Variants in CCDC88C observed in about 807,000 individuals in gnomAD.
CCDC88C encodes the protein coiled-coil and HOOK domain protein 88C, also known as protein Daple.
CCDC88C carries 131 observed loss-of-function variants against 198.8 expected under a neutral mutation model. The observed-to-expected ratio is 0.66, with a 90% CI of 0.57 to 0.76. The LOEUF is 0.76. CCDC88C is among the 30% of genes least tolerant of loss of function. CCDC88C has a pLI of 0.00. For synonymous variants in CCDC88C, 1,166 were observed against 1,114.7 expected (o/e 1.05, Z -0.92); for missense variants, 2,553 against 2,631.6 (o/e 0.97, Z 0.65).
At chr14:91,391,156 G>A (rs1321012541) in intron 3 of CCDC88C, among the ~76,000 whole-genome samples, 2 of 151,958 alleles carry the variant, frequency 1.3e-5, no homozygotes, top group African/African-American at 2.4e-5. Context: ...GCACCTGTGT[G>A]TTGAGCCTCA....
intron 3 of CCDC88C, chr14:91,378,607 C>T (rs1249279233): frequency 2.6e-5 from 4 of 152,394 alleles, no homozygotes; most frequent in Admixed American, 6.6e-5. Flanking sequence ...ACCCAAGACA[C>T]CAAAAACGGA....
intron 26 of CCDC88C, 130 bp downstream of exon 26, chr14:91,283,199 A>C: frequency 1.1e-6 from 1 of 928,088 alleles, no homozygotes; most frequent in East Asian, 2.7e-5. Context: ...GCCTGTCAGC[A>C]GCCTCACCCC....
intron 10 of CCDC88C, among the ~76,000 whole-genome samples, chr14:91,337,261 C>T (rs977455369): frequency 4.6e-5 from 7 of 152,206 alleles, no homozygotes; most frequent in African/African-American, 1.7e-4. Flanking sequence ...ATAGAGTAGC[C>T]TCCACTAGCT....
intron 21 of CCDC88C, among the ~76,000 whole-genome samples, chr14:91,299,414 T>C (rs908593827): frequency 1.4e-4 from 22 of 152,178 alleles, no homozygotes; most frequent in Non-Finnish European, 5.9e-5. Flanking sequence ...CAGTAGGAGC[T>C]GAAACAAGAA....
At chr14:91,416,893 C>T (rs1279333793) in intron 1 of CCDC88C, 55 bp from the exon 2 acceptor site, 6 of 1,267,392 alleles carry the variant, frequency 4.7e-6, no homozygotes, top group East Asian at 2.4e-5. Flanking sequence ...TGCGCACAAA[C>T]GGTCCAAAGC....
Position 91,338,160 on chromosome 14 carries a change from T to G in CCDC88C, c.895A>C (p.Ile299Leu). 6.2e-6 allele frequency: 10 copies of G among 1,613,580 alleles called. No individual in the cohort carries two copies. Among genetic ancestry groups the G allele is most frequent in the Non-Finnish European group, 8.5e-6 (10 of 1,179,640 alleles). Residue 299 changes from isoleucine to leucine, a missense_variant, in exon 10 of 30, where the codon ATC becomes CTC. By Grantham distance (5) the Ile-to-Leu change is conservative. This residue lies in a region of CCDC88C where 1,260 missense variants were observed against 1,412.0 expected (regional missense o/e 0.89). Coordinates refer to ENST00000389857, the MANE Select transcript of CCDC88C (RefSeq NM_001080414.4). The surrounding 1 kb of genome is among the most constrained non-coding windows in gnomAD (Gnocchi z 4.8). ...GACCGGGCGTCTGCCGCTAGCTGGA[T>G]GTTCTGCAAGGTGGACAAAGGCAGG... ...LELQKVKQEN[I>L]QLAADARSAR...
chr14:91,312,791 A>T (rs899921361), intron 15 of CCDC88C, among the ~76,000 whole-genome samples: 1 of 151,918 alleles, frequency 6.6e-6, no homozygotes, highest in Non-Finnish European at 1.5e-5. Context: ...ATTAATAAAA[A>T]CCACAACAGC....
At chr14:91,277,830 C>G (rs1890027007) in intron 29 of CCDC88C, 92 bp downstream of exon 29, 5 of 1,389,050 alleles carry the variant, frequency 3.6e-6, no homozygotes, top group Non-Finnish European at 4.8e-6. Context: ...GCCACGCCAC[C>G]CCCACCCCAT....
intron 10 of CCDC88C, among the ~76,000 whole-genome samples, chr14:91,330,607 G>A (rs776149658): frequency 6.6e-6 from 1 of 152,166 alleles, no homozygotes; most frequent in Non-Finnish European, 1.5e-5. Context: ...AAACAGGAGG[G>A]GCACCTGGAC....
intron 13 of CCDC88C, among the ~76,000 whole-genome samples, chr14:91,318,665 G>T (rs1892211922): frequency 6.6e-6 from 1 of 152,184 alleles, no homozygotes; most frequent in South Asian, 2.1e-4. Context: ...GAGTGGCTGG[G>T]TGCAGTGGCT....
At chr14:91,386,545 A>G (rs1035727627) in intron 3 of CCDC88C, among the ~76,000 whole-genome samples, 8 of 152,310 alleles carry the variant, frequency 5.3e-5, no homozygotes, top group African/African-American at 1.4e-4. Context: ...CATGCCACAC[A>G]CACACCTGCC....
intron 3 of CCDC88C, chr14:91,384,273 CTT>C (rs3029466): frequency 0.26 from 75,322 of 293,486 alleles, 4,214 homozygotes; most frequent in East Asian, 0.32. Flanking sequence ...CCCCATCTCT[CTT>C]TTTTTTTTTT....
intron 3 of CCDC88C, among the ~76,000 whole-genome samples, chr14:91,380,939 C>A (rs1467892794): frequency 1.3e-5 from 2 of 152,180 alleles, no homozygotes; most frequent in South Asian, 2.1e-4. Flanking sequence ...GACAACGTGG[C>A]CCACCAATCC....
intron 25 of CCDC88C, chr14:91,285,701 G>C: frequency 1.6e-6 from 2 of 1,288,958 alleles, no homozygotes; most frequent in Non-Finnish European, 2.0e-6. Flanking sequence ...GAAAGAGAGA[G>C]GCTCGTTAGG....
At position 91,338,167 on chromosome 14, in the gene CCDC88C, C is replaced by T; in HGVS notation, c.892-4G>A. 1.2e-6 allele frequency: 2 copies of T among 1,613,082 alleles called. No individual in the cohort carries two copies. The highest frequency in any genetic ancestry group is 1.7e-6 in the Non-Finnish European group (2 of 1,179,292). ...CGTCTGCCGCTAGCTGGATGTTCTG[C>T]AAGGTGGACAAAGGCAGGAGAACCT... On this transcript the variant is annotated splice_polypyrimidine_tract_variant and splice_region_variant and intron_variant, in intron 9 of 29. Transcript: ENST00000389857. The surrounding 1 kb of genome is among the most constrained non-coding windows in gnomAD (Gnocchi z 4.8).
At chr14:91,342,669 G>C (rs895209395) in intron 5 of CCDC88C, among the ~76,000 whole-genome samples, 2 of 152,192 alleles carry the variant, frequency 1.3e-5, no homozygotes, top group African/African-American at 4.8e-5. Context: ...ATCACCTGGG[G>C]AGCTTGTTCT....
At chr14:91,333,304 A>T (rs2139847055) in intron 10 of CCDC88C, among the ~76,000 whole-genome samples, 1 of 152,384 alleles carries the variant, frequency 6.6e-6, no homozygotes, top group African/African-American at 2.4e-5. Flanking sequence ...AAGGGAATAT[A>T]GTATTTTAAC....
chr14:91,275,088 G>A (rs552921192), intron 29 of CCDC88C, among the ~76,000 whole-genome samples: 1 of 152,308 alleles, frequency 6.6e-6, no homozygotes, highest in Non-Finnish European at 1.5e-5. Flanking sequence ...GTGTACATTA[G>A]GGGCCTTGTG....
chr14:91,337,702 G>A (rs1457619041), intron 10 of CCDC88C, among the ~76,000 whole-genome samples: 1 of 152,240 alleles, frequency 6.6e-6, no homozygotes, highest in Non-Finnish European at 1.5e-5. Context: ...ATTGCAAGAA[G>A]TCTTTTAAAA....
Sources: allele counts gnomAD v4.1 joint callset (sites outside exome capture counted in the v4.1 genomes callset), GRCh38; gene constraint gnomAD v4.1.1; regional missense constraint gnomAD v4.1.1; non-coding constraint Gnocchi (gnomAD v3.1); transcripts MANE v1.5; gene names NCBI Gene and HGNC (gene_info 2026-07-23, HGNC 2026-07-21).